Variants in MANBA observed in about 807,000 individuals in gnomAD.
MANBA encodes the protein beta-mannosidase.
In MANBA, 83 loss-of-function variants were observed where a neutral mutation model predicts 111.1. The observed-to-expected ratio is 0.75, with a 90% CI of 0.63 to 0.90. The LOEUF (loss-of-function observed/expected upper bound fraction) is 0.90. Ranked by LOEUF, MANBA falls within the 40% of genes least tolerant of loss-of-function variation. The probability of loss-of-function intolerance (pLI) is 0.00; values close to 1 mark genes in which losing one functional copy is unlikely to be tolerated. For missense variants in MANBA, 1,036 were observed against 1,069.0 expected (o/e 0.97, Z 0.43); for synonymous variants, 370 against 378.7 (o/e 0.98, Z 0.27).
chr4:102,709,308 AAG>A, intron 5 of MANBA, among the ~76,000 whole-genome samples: 1 of 137,958 alleles, frequency 7.2e-6, no homozygotes, highest in Non-Finnish European at 1.5e-5. Context: ...GGAAGGAAGG[AAG>A]GAAGAAAAGA....
rs1731152048 is a variant in MANBA at position 102,664,864 on chromosome 4, G to A, written c.1318-12C>T. On this transcript the variant is annotated splice_polypyrimidine_tract_variant and intron_variant, in intron 10 of 16. Transcript: ENST00000647097. ...TTCAGTCTCTTGATCTGAAAATTAA[G>A]AAAACATAAAATGATTTTCAAAGAG... 6.3e-7 allele frequency: 1 copy of A among 1,575,298 alleles called. No individual in the cohort carries two copies. Among genetic ancestry groups the A allele is most frequent in the African/African-American group, 1.3e-5 (1 of 74,108 alleles).
intron 5 of MANBA, among the ~76,000 whole-genome samples, chr4:102,703,969 C>G (rs1733180109): frequency 6.6e-6 from 1 of 152,102 alleles, no homozygotes; most frequent in Non-Finnish European, 1.5e-5. Flanking sequence ...GTGTCGAACA[C>G]CTGTAGTACC....
intron 7 of MANBA, among the ~76,000 whole-genome samples, 173 bp from the exon 8 acceptor site, chr4:102,674,243 A>G (rs575562077): frequency 2.6e-5 from 4 of 152,324 alleles, no homozygotes; most frequent in Admixed American, 2.0e-4. Flanking sequence ...TACACATATA[A>G]ATTATTGCTA....
Position 102,657,697 on chromosome 4 carries a change from G to A in MANBA, c.1689C>T (p.Phe563=), listed in dbSNP as rs370693160. 5 of 1,610,878 alleles carry A rather than the reference G, an allele frequency of 3.1e-6. No homozygotes were observed. The highest frequency in any genetic ancestry group is 2.2e-5 in the South Asian group (2 of 91,018). Residue 563 remains phenylalanine, a synonymous_variant, in exon 12 of 17, where the codon TTC becomes TTT. Coordinates refer to ENST00000647097, the MANE Select transcript of MANBA (RefSeq NM_005908.4). The stretch of plus-strand genomic sequence containing the variant: ...GATGACTTACCTTTTCTAATGTACT[G>A]AAGGACGGCCAGGACTGATATCCAT... ...SEYGYQSWPS[F]STLEKVSSTE... is the part of the protein sequence containing the mutation.
At chr4:102,715,782 T>C (rs1722297108) in intron 4 of MANBA, among the ~76,000 whole-genome samples, 1 of 152,222 alleles carries the variant, frequency 6.6e-6, no homozygotes, top group South Asian at 2.1e-4. Context: ...TGATACAATA[T>C]CCAATATATC....
chr4:102,670,113 C>T (rs1731423585), intron 9 of MANBA, among the ~76,000 whole-genome samples: 1 of 149,356 alleles, frequency 6.7e-6, no homozygotes, highest in African/African-American at 2.5e-5. Flanking sequence ...CAAGATCGCA[C>T]CACTGCATTC....
chr4:102,744,814 C>T (rs1723532628), intron 1 of MANBA, among the ~76,000 whole-genome samples: 1 of 152,222 alleles, frequency 6.6e-6, no homozygotes, highest in South Asian at 2.1e-4. Context: ...CTAATCTCCA[C>T]AATCCCTCCA....
chr4:102,734,545 C>A (rs756666757), intron 1 of MANBA: 1 of 1,607,816 alleles, frequency 6.2e-7, no homozygotes, highest in African/African-American at 1.3e-5. Context: ...GCTGAGGTGA[C>A]GAGGAAGCCC....
chr4:102,702,408 G>A (rs1210590962), intron 5 of MANBA, among the ~76,000 whole-genome samples: 14 of 152,264 alleles, frequency 9.2e-5, no homozygotes, highest in African/African-American at 2.9e-4. Context: ...GAGGAGCTGC[G>A]TTCCTTTGGA....
intron 1 of MANBA, chr4:102,753,804 C>A: frequency 4.7e-6 from 1 of 211,552 alleles, no homozygotes; most frequent in Non-Finnish European, 9.9e-6. Flanking sequence ...TTAAAGAGGC[C>A]ACCCATGGTG....
At chr4:102,642,982 T>C (rs1200143910) in intron 13 of MANBA, among the ~76,000 whole-genome samples, 1 of 152,184 alleles carries the variant, frequency 6.6e-6, no homozygotes, top group Non-Finnish European at 1.5e-5. Flanking sequence ...ACCATAAAAT[T>C]CATCATTTTA....
Position 102,639,138 on chromosome 4 carries a change from T to C in MANBA, c.2014+575A>G, listed in dbSNP as rs890014171. 7.4e-4 allele frequency among the ~76,000 whole-genome samples: 113 copies of C among 152,366 alleles called. 2 individuals carry two copies. Among genetic ancestry groups the C allele is most frequent in the Admixed American group, 7.4e-3 (113 of 15,308 alleles). On this transcript the variant is annotated intron_variant, in intron 14 of 16. Coordinates refer to ENST00000647097, the MANE Select transcript of MANBA (RefSeq NM_005908.4). ...TCATCTCACCTGTTGCTAGTTGAAC[T>C]GTTTCAACTGGTCACCTTTCCCATT...
chr4:102,711,610 A>G (rs1319567303), intron 5 of MANBA, among the ~76,000 whole-genome samples: 2 of 152,184 alleles, frequency 1.3e-5, no homozygotes, highest in African/African-American at 4.8e-5. Flanking sequence ...CTAATAGGTA[A>G]CTATCCACAG....
At chr4:102,749,127 C>T (rs1218586452) in intron 1 of MANBA, among the ~76,000 whole-genome samples, 3 of 151,768 alleles carry the variant, frequency 2.0e-5, no homozygotes, top group Admixed American at 2.0e-4. Context: ...AAAACTGTAA[C>T]CAAGATTCTA....
At chr4:102,708,293 T>C (rs1003535207) in intron 5 of MANBA, among the ~76,000 whole-genome samples, 1 of 152,154 alleles carries the variant, frequency 6.6e-6, no homozygotes, top group Non-Finnish European at 1.5e-5. Flanking sequence ...ATTAAAATCA[T>C]ATCAAGTATC....
intron 13 of MANBA, among the ~76,000 whole-genome samples, chr4:102,643,995 A>G (rs76136769): frequency 0.017 from 2,660 of 152,272 alleles, 80 homozygotes; most frequent in African/African-American, 0.059. Context: ...TAAAATTTAT[A>G]CCTATGTTTC....
At chr4:102,647,708 G>A (rs1730162876) in intron 13 of MANBA, among the ~76,000 whole-genome samples, 1 of 152,036 alleles carries the variant, frequency 6.6e-6, no homozygotes, top group Non-Finnish European at 1.5e-5. Flanking sequence ...GTTCTGGTAA[G>A]TTCATGAATT....
At chr4:102,668,776 C>CA in intron 10 of MANBA, 187 bp downstream of exon 10, 1 of 587,160 alleles carries the variant, frequency 1.7e-6, no homozygotes, top group South Asian at 1.9e-5. Context: ...ATCTGGGAGT[C>CA]ATCAGCCAAT....
chr4:102,753,894 G>A, intron 1 of MANBA: 3 of 433,382 alleles, frequency 6.9e-6, no homozygotes, highest in East Asian at 8.1e-5. Context: ...ACCAGCTTGA[G>A]CAACACGGTG....
Sources: gnomAD v4.1 joint callset for allele counts (sites outside exome capture counted in the v4.1 genomes callset) on GRCh38, gnomAD v4.1.1 for gene constraint, MANE v1.5 for transcripts, NCBI Gene and HGNC (gene_info 2026-07-23, HGNC 2026-07-21) for gene names.